The following JAZF1 variants were observed in gnomAD, a reference collection of about 807,000 sequenced individuals.
JAZF1 encodes the protein juxtaposed with another zinc finger protein 1.
Under a neutral mutation model 26.4 loss-of-function variants are expected in JAZF1, and 8 were observed. The ratio of observed to expected loss-of-function variants is 0.30; its 90% CI spans 0.18 to 0.55. JAZF1 has a LOEUF of 0.55. Among genes scored for constraint, JAZF1 ranks in the 20% least tolerant of loss-of-function variants. JAZF1 has a pLI of 0.94. For synonymous variants in JAZF1, 126 were observed against 122.3 expected (o/e 1.03, Z -0.20); for missense variants, 199 against 322.0 (o/e 0.62, Z 2.92).
chr7:27,898,971 C>A (rs1350954135), intron 2 of JAZF1, among the ~76,000 whole-genome samples: 1 of 152,126 alleles, frequency 6.6e-6, no homozygotes, highest in African/African-American at 2.4e-5. Context: ...ACCACCCGCC[C>A]CCACAAACAC....
chr7:28,027,428 CATTTT>C (rs1468819979), intron 1 of JAZF1, among the ~76,000 whole-genome samples: 1 of 152,156 alleles, frequency 6.6e-6, no homozygotes, highest in Non-Finnish European at 1.5e-5. Context: ...CAGTAGGTGA[CATTTT>C]AAAATGTCTT....
chr7:28,067,262 T>C (rs976476995), intron 1 of JAZF1, among the ~76,000 whole-genome samples: 1 of 152,196 alleles, frequency 6.6e-6, no homozygotes, highest in Non-Finnish European at 1.5e-5. Flanking sequence ...CCTTGCTCCA[T>C]CAGTGTTGTG....
intron 1 of JAZF1, among the ~76,000 whole-genome samples, chr7:28,065,038 G>A (rs1391599322): frequency 6.6e-6 from 1 of 152,116 alleles, no homozygotes; most frequent in Non-Finnish European, 1.5e-5. Flanking sequence ...GTGCTTTTAG[G>A]GAAATGACTG....
intron 2 of JAZF1, among the ~76,000 whole-genome samples, chr7:27,987,453 G>A (rs894888194): frequency 9.9e-5 from 15 of 151,734 alleles, no homozygotes; most frequent in Admixed American, 5.2e-4. Flanking sequence ...GAGCATTTCC[G>A]CCTGGCAGCC....
At chr7:28,054,305 A>G (rs533953232) in intron 1 of JAZF1, among the ~76,000 whole-genome samples, 1 of 152,338 alleles carries the variant, frequency 6.6e-6, no homozygotes, top group Non-Finnish European at 1.5e-5. Flanking sequence ...TACAACTTAA[A>G]AAGAATCTAC....
intron 3 of JAZF1, chr7:27,841,094 A>C: frequency 4.3e-6 from 2 of 463,224 alleles, no homozygotes; most frequent in Non-Finnish European, 7.7e-6. Flanking sequence ...CTTCCCAACA[A>C]TTCACAGCTA....
chr7:28,150,179 G>A (rs1272421126), intron 1 of JAZF1, among the ~76,000 whole-genome samples: 2 of 152,166 alleles, frequency 1.3e-5, no homozygotes, highest in African/African-American at 4.8e-5. Flanking sequence ...AAAGCTTCGG[G>A]GGGCAGGGTA....
chr7:27,914,676 C>T (rs1562527848), intron 2 of JAZF1: 1 of 467,400 alleles, frequency 2.1e-6, no homozygotes, highest in South Asian at 1.6e-5. Flanking sequence ...GCAATTGTTA[C>T]TAGATCTCCC....
At chr7:28,023,984 G>A (rs1783049018) in intron 1 of JAZF1, among the ~76,000 whole-genome samples, 1 of 151,966 alleles carries the variant, frequency 6.6e-6, no homozygotes, top group South Asian at 2.1e-4. Flanking sequence ...GTCAGGAGCG[G>A]CAGTAAAAGA....
At chr7:28,138,765 T>C (rs543673485) in intron 1 of JAZF1, among the ~76,000 whole-genome samples, 32 of 152,356 alleles carry the variant, frequency 2.1e-4, no homozygotes, top group Non-Finnish European at 3.8e-4. Context: ...CGTCGAGTGC[T>C]GGAGCACTAA....
At chr7:27,992,707 T>C (rs1243382004) in intron 1 of JAZF1, among the ~76,000 whole-genome samples, 1 of 152,174 alleles carries the variant, frequency 6.6e-6, no homozygotes, top group African/African-American at 2.4e-5. Context: ...ACTGTATAAA[T>C]ATATGTATAA....
At chr7:28,168,105 G>A (rs573810442) in intron 1 of JAZF1, among the ~76,000 whole-genome samples, 38 of 152,204 alleles carry the variant, frequency 2.5e-4, no homozygotes, top group Middle Eastern at 3.4e-3. Context: ...AGTTTCGGCC[G>A]GGCGCAGTGG....
chr7:27,886,439 T>C (rs540421942), intron 3 of JAZF1, among the ~76,000 whole-genome samples: 1 of 152,362 alleles, frequency 6.6e-6, no homozygotes, highest in East Asian at 1.9e-4. Flanking sequence ...TCCATAATCA[T>C]GGACTATAAA....
chr7:27,903,015 TAAAAA>T (rs60212939), intron 2 of JAZF1, among the ~76,000 whole-genome samples: 4 of 98,942 alleles, frequency 4.0e-5, no homozygotes, highest in East Asian at 3.0e-4. Context: ...GACTCCGTCT[TAAAAA>T]AAAAAAAAAA....
At chr7:28,136,841 C>T (rs1026035480) in intron 1 of JAZF1, among the ~76,000 whole-genome samples, 3 of 152,200 alleles carry the variant, frequency 2.0e-5, no homozygotes, top group African/African-American at 7.2e-5. Context: ...TCCAGGAAGG[C>T]TTCCTGAAGG....
At chr7:27,876,123 C>G (rs1783675121) in intron 3 of JAZF1, among the ~76,000 whole-genome samples, 1 of 152,196 alleles carries the variant, frequency 6.6e-6, no homozygotes, top group Non-Finnish European at 1.5e-5. Context: ...GCCAAGTGCC[C>G]AGTACATCCT....
At chr7:27,953,130 C>T (rs998552968) in intron 2 of JAZF1, among the ~76,000 whole-genome samples, 2 of 152,178 alleles carry the variant, frequency 1.3e-5, no homozygotes, top group Non-Finnish European at 2.9e-5. Flanking sequence ...TCAAGTTTTT[C>T]CAGCTGGCAA....
chr7:28,003,654 T>C (rs1307821122), intron 1 of JAZF1, among the ~76,000 whole-genome samples: 1 of 152,150 alleles, frequency 6.6e-6, no homozygotes, highest in Non-Finnish European at 1.5e-5. Context: ...TGCAGATCTG[T>C]TCCCATTTGT....
At chr7:27,873,035 A>T (rs1783612706) in intron 3 of JAZF1, among the ~76,000 whole-genome samples, 1 of 152,176 alleles carries the variant, frequency 6.6e-6, no homozygotes, top group Non-Finnish European at 1.5e-5. Context: ...CAGCGTCTAC[A>T]AAGTTTACTT....
Sources: gnomAD v4.1 joint callset for allele counts (sites outside exome capture counted in the v4.1 genomes callset) on GRCh38, gnomAD v4.1.1 for gene constraint, MANE v1.5 for transcripts, NCBI Gene and HGNC (gene_info 2026-07-23, HGNC 2026-07-21) for gene names.